Variants in DHX57 observed in about 807,000 individuals in gnomAD.
DHX57 encodes the protein putative ATP-dependent RNA helicase DHX57.
DHX57 carries 105 observed loss-of-function variants against 156.2 expected under a neutral mutation model. That is an observed-to-expected ratio of 0.67 (90% CI 0.57 to 0.79). The LOEUF is 0.79. Among genes scored for constraint, DHX57 ranks in the 30% least tolerant of loss-of-function variants. The pLI is 0.00. For missense variants in DHX57, 1,847 were observed against 1,661.9 expected (o/e 1.11, Z -1.94); for synonymous variants, 704 against 595.6 (o/e 1.18, Z -2.65).
intron 13 of DHX57, among the ~76,000 whole-genome samples, chr2:38,830,352 G>A (rs1026063390): frequency 2.0e-5 from 3 of 152,162 alleles, no homozygotes; most frequent in Admixed American, 6.5e-5. Context: ...TAGTGGCCAG[G>A]CATGGTGGCT....
chr2:38,819,153 G>C lies in DHX57; in HGVS notation c.3292-9C>G. 6.2e-7 allele frequency: 1 copy of C among 1,610,576 alleles called. No homozygotes were observed. On this transcript the variant is annotated splice_polypyrimidine_tract_variant and intron_variant, in intron 17 of 23. Transcript: ENST00000457308. ...TTATCCCAGGGAGATACCTAAAGGA[G>C]AGAGGAAAATCAGATTTAAAGAACA...
At chr2:38,870,863 A>G (rs1665320328) in intron 1 of DHX57, among the ~76,000 whole-genome samples, 1 of 152,020 alleles carries the variant, frequency 6.6e-6, no homozygotes, top group Admixed American at 6.5e-5. Context: ...TGGGTGACAG[A>G]GTGAGACTCC....
intron 9 of DHX57, among the ~76,000 whole-genome samples, chr2:38,852,239 C>A (rs1672635448): frequency 6.7e-6 from 1 of 150,246 alleles, no homozygotes; most frequent in South Asian, 2.1e-4. Context: ...TACAGTGGCG[C>A]AATCTCGGCT....
intron 12 of DHX57, among the ~76,000 whole-genome samples, chr2:38,842,470 T>C (rs1323003618): frequency 2.0e-5 from 3 of 152,164 alleles, no homozygotes; most frequent in African/African-American, 7.2e-5. Flanking sequence ...CACTGTACTG[T>C]GGTTACGTAA....
At chr2:38,847,776 T>TA (rs1319611879) in intron 10 of DHX57, among the ~76,000 whole-genome samples, 1 of 152,042 alleles carries the variant, frequency 6.6e-6, no homozygotes, top group African/African-American at 2.4e-5. Flanking sequence ...AAAAGTCCCC[T>TA]AAAAAAATTA....
intron 22 of DHX57, among the ~76,000 whole-genome samples, chr2:38,804,432 G>A (rs1372818391): frequency 6.6e-6 from 1 of 152,206 alleles, no homozygotes; most frequent in African/African-American, 2.4e-5. Flanking sequence ...GGAGGTTGCA[G>A]TGAGCTGAGA....
intron 11 of DHX57, 70 bp downstream of exon 11, chr2:38,846,949 G>A: frequency 7.2e-7 from 1 of 1,379,810 alleles, no homozygotes; most frequent in Admixed American, 1.9e-5. Context: ...GCCTTCCAAA[G>A]TGCTAGAATT....
chr2:38,811,387 A>AG lies in DHX57; in HGVS notation c.3681+2433dup, dbSNP rs1238458342. 6.5e-5 allele frequency: 36 copies of AG among 554,426 alleles called. No homozygotes were observed. In the Admixed American group the frequency reaches 7.8e-4, roughly 12 times the overall value. 34.3% of individuals were successfully genotyped at this position (554,426 alleles called of 1,614,324 possible). On this transcript the variant is annotated intron_variant, in intron 21 of 23. Transcript: ENST00000457308. ...TTTCCACTTGTTTGCGGGTGATGTA[A>AG]GGCCTGGGAAGAGAGGGGCCCAGGA...
chr2:38,844,206 G>A (rs1307930778), intron 11 of DHX57, among the ~76,000 whole-genome samples: 1 of 151,988 alleles, frequency 6.6e-6, no homozygotes, highest in African/African-American at 2.4e-5. Context: ...GTGGTGGTAT[G>A]GTATAGAAAA....
chr2:38,822,419 C>T lies in DHX57; in HGVS notation c.3291+574G>A, dbSNP rs181090773. 6.3e-3 allele frequency among the ~76,000 whole-genome samples: 945 copies of T among 150,028 alleles called. 3 individuals are homozygous for T. The highest frequency in any genetic ancestry group is 8.0e-3 in the Non-Finnish European group (543 of 67,622). On this transcript the variant is annotated intron_variant, in intron 17 of 23. Coordinates refer to ENST00000457308, the MANE Select transcript of DHX57 (RefSeq NM_198963.3). ...AATATTAGTTGTTTTTTTTTTTAGA[C>T]GGAGCCTTGCTCTGTCGCCAGGCTG...
chr2:38,862,150 A>G lies in DHX57; in HGVS notation c.567T>C (p.Leu189=). 6.3e-7 allele frequency: 1 copy of G among 1,591,328 alleles called. No homozygotes were observed. Among genetic ancestry groups the G allele is most frequent in the Non-Finnish European group, 8.6e-7 (1 of 1,167,160 alleles). ...FTVSPFAVQK[L]SRYGFNTERC... is the part of the protein sequence containing the mutation. ...TAAATGATCAAAGCAATCACCTGGA[A>G]AGTTTTTGCACTGCAAATGGGGAGA... Residue 189 remains leucine (L), a synonymous_variant, in exon 4 of 24, where the codon CTT becomes CTC. Coordinates refer to ENST00000457308, the MANE Select transcript of DHX57 (RefSeq NM_198963.3).
chr2:38,818,654 A>G (rs1477277908), intron 19 of DHX57, among the ~76,000 whole-genome samples: 1 of 152,202 alleles, frequency 6.6e-6, no homozygotes, highest in Non-Finnish European at 1.5e-5. Context: ...GCATAAGTAA[A>G]CAAAAATTCA....
intron 3 of DHX57, chr2:38,862,761 A>G (rs1673302741): frequency 6.4e-6 from 1 of 155,708 alleles, no homozygotes; most frequent in East Asian, 1.9e-4. Context: ...ATTCATAAAA[A>G]CACTATCCCT....
At chr2:38,821,941 C>T (rs1670837279) in intron 17 of DHX57, among the ~76,000 whole-genome samples, 1 of 152,062 alleles carries the variant, frequency 6.6e-6, no homozygotes, top group South Asian at 2.1e-4. Flanking sequence ...TCACAACTGA[C>T]TCAAAATGAA....
intron 21 of DHX57, chr2:38,811,050 T>G: frequency 1.5e-6 from 1 of 646,944 alleles, no homozygotes; most frequent in South Asian, 1.4e-5. Flanking sequence ...TCCTGAATCT[T>G]CATGTAGAGA....
chr2:38,802,757 G>A lies in DHX57; in HGVS notation c.3975C>T (p.Ser1325=), dbSNP rs1442109674. ...VQLQRGEFVV[S]LDDGWIRFVA... is the part of the protein sequence containing the mutation. ...CAAAACGGATCCAACCATCATCCAG[G>A]GAGACAACGAACTCTCCTCTTTGAA... The change falls in exon 23 of 24, where the codon TCC becomes TCT. Residue 1325 remains serine (S), a synonymous_variant. Transcript: ENST00000457308. 8.7e-6 allele frequency: 14 copies of A among 1,613,938 alleles called. No individual in the cohort carries two copies. Among genetic ancestry groups the A allele is most frequent in the Non-Finnish European group, 1.1e-5 (13 of 1,180,024 alleles).
chr2:38,854,115 T>C lies in DHX57; in HGVS notation c.1969A>G (p.Thr657Ala), dbSNP rs1672757125. ...GVLLRRLEGD[T>A]ALQGVSHIIV... is the part of the protein sequence containing the mutation. The stretch of plus-strand genomic sequence containing the variant: ...ATATGGGAAACTCCTTGTAGAGCTG[T>C]ATCTCCTTCTAGCCTTCTCAGCAGC... The change falls in exon 9 of 24, where the codon ACA (threonine) becomes GCA (alanine). Residue 657 changes from threonine to alanine, a missense_variant. Physicochemically the swap from Thr to Ala is moderately conservative, Grantham distance 58 (BLOSUM62 0). Coordinates refer to ENST00000457308, the MANE Select transcript of DHX57 (RefSeq NM_198963.3). 3.1e-6 allele frequency: 5 copies of C among 1,614,102 alleles called. No individual in the cohort carries two copies. The highest frequency in any genetic ancestry group is 4.2e-6 in the Non-Finnish European group (5 of 1,179,952).
At chr2:38,815,968 C>T (rs1173306571) in intron 19 of DHX57, 3 of 401,526 alleles carry the variant, frequency 7.5e-6, no homozygotes, top group African/African-American at 2.1e-5. Context: ...TGATTTTCCA[C>T]GAAATTCTTA....
At chr2:38,827,109 C>T (rs373365017) in intron 14 of DHX57, among the ~76,000 whole-genome samples, 23 of 150,828 alleles carry the variant, frequency 1.5e-4, no homozygotes, top group Admixed American at 4.0e-4. Flanking sequence ...TCAGCTTGGG[C>T]GACAATAGTG....
Sources: gnomAD v4.1 joint callset for allele counts (sites outside exome capture counted in the v4.1 genomes callset) on GRCh38, gnomAD v4.1.1 for gene constraint, MANE v1.5 for transcripts, NCBI Gene and HGNC (gene_info 2026-07-23, HGNC 2026-07-21) for gene names.